ATG10: variants seen among roughly 807,000 people sequenced by gnomAD.
ATG10 encodes autophagy related 10, also known as ubiquitin-like-conjugating enzyme ATG10.
Under a neutral mutation model 32.1 loss-of-function variants are expected in ATG10, and 30 were observed. The ratio of observed to expected loss-of-function variants is 0.94; its 90% CI spans 0.70 to 1.27. The LOEUF is 1.27. Ranked by LOEUF, ATG10 falls within the 50% of genes most tolerant of loss-of-function variation. ATG10 has a pLI of 0.00. For missense variants in ATG10, 233 were observed against 262.3 expected, an observed-to-expected ratio of 0.89 and a Z score of 0.77; for synonymous variants, 87 against 91.5, an observed-to-expected ratio of 0.95 and a Z score of 0.28.
intron 5 of ATG10, among the ~76,000 whole-genome samples, chr5:82,212,312 C>T (rs907424972): frequency 3.9e-5 from 6 of 152,200 alleles, no homozygotes; most frequent in African/African-American, 1.4e-4. Flanking sequence ...CTCCCTTGTG[C>T]TCTGAATCCT....
At position 81,984,032 on chromosome 5, in the gene ATG10, A is replaced by G. The variant is rs956076771; in HGVS notation, c.-12-3527A>G. On this transcript the variant is annotated intron_variant, in intron 1 of 7. Coordinates refer to ENST00000282185, the MANE Select transcript of ATG10 (RefSeq NM_031482.5). Reference sequence around the variant, plus strand: ...TCACTTTCCAGACGGGGTGGCAGCCAGGCAGAGGCTGCAATCTCGGCACTT... The same window carrying G: ...TCACTTTCCAGACGGGGTGGCAGCCGGGCAGAGGCTGCAATCTCGGCACTT... Among the ~76,000 whole-genome samples, 174 of 152,262 alleles carry G rather than the reference A, an allele frequency of 1.1e-3. 2 individuals carry two copies. The highest frequency in any genetic ancestry group is 2.3e-3 in the Admixed American group (35 of 15,298).
intron 5 of ATG10, among the ~76,000 whole-genome samples, chr5:82,223,564 G>C (rs1446498554): frequency 6.6e-6 from 1 of 152,028 alleles, no homozygotes; most frequent in South Asian, 2.1e-4. Flanking sequence ...ATTTAGTGGT[G>C]GTGTATATAA....
intron 2 of ATG10, among the ~76,000 whole-genome samples, chr5:82,047,028 C>A (rs1292687871): frequency 6.7e-6 from 1 of 149,060 alleles, no homozygotes; most frequent in Non-Finnish European, 1.5e-5. Context: ...AAAAGCAAAA[C>A]TAAGCCTTTA....
At chr5:82,240,545 T>G (rs1038235152) in intron 5 of ATG10, among the ~76,000 whole-genome samples, 2 of 152,194 alleles carry the variant, frequency 1.3e-5, no homozygotes, top group Non-Finnish European at 2.9e-5. Context: ...AAAGAGGGGC[T>G]GGTTAATGGG....
intron 2 of ATG10, chr5:82,010,176 T>G: frequency 8.6e-7 from 1 of 1,167,340 alleles, no homozygotes; most frequent in Non-Finnish European, 1.2e-6. Flanking sequence ...TCTTGGAGAA[T>G]GTTTCCAAGT....
intron 2 of ATG10, among the ~76,000 whole-genome samples, chr5:82,014,605 A>G (rs1762226782): frequency 6.6e-6 from 1 of 151,772 alleles, no homozygotes; most frequent in East Asian, 1.9e-4. Context: ...GTCTCTTTTG[A>G]TCTTTGTTGG....
In ATG10 at chr5:82,104,268, C is replaced by T. The variant is rs573963365; in HGVS notation, c.216+45666C>T. On this transcript the variant is annotated intron_variant, in intron 3 of 7. Transcript: ENST00000282185. ...CTACCTTTAATAGATTCTGCCCAAC[C>T]GTTTTCTAAGGTAATTGTAATAATT... is the stretch of plus-strand genomic sequence containing the variant. 1.6e-4 allele frequency among the ~76,000 whole-genome samples: 24 copies of T among 152,026 alleles called. 1 individual carries two copies. The South Asian group carries it at 3.1e-3, about 20-fold the overall frequency.
At chr5:82,201,947 A>G (rs1273663939) in intron 5 of ATG10, among the ~76,000 whole-genome samples, 2 of 152,216 alleles carry the variant, frequency 1.3e-5, no homozygotes, top group Non-Finnish European at 2.9e-5. Context: ...TTGCTCGTAT[A>G]TAGAAATACA....
chr5:82,130,608 G>A (rs1321698538), intron 3 of ATG10, among the ~76,000 whole-genome samples: 2 of 151,506 alleles, frequency 1.3e-5, no homozygotes, highest in South Asian at 2.1e-4. Context: ...TGAGTTCCCC[G>A]ACCCCTTGTG....
chr5:82,186,146 A>G (rs978122434), intron 5 of ATG10, among the ~76,000 whole-genome samples: 1 of 152,206 alleles, frequency 6.6e-6, no homozygotes, highest in Non-Finnish European at 1.5e-5. Flanking sequence ...AATCACTGCC[A>G]GCTTCCTTTG....
chr5:82,112,012 A>G (rs1029252686), intron 3 of ATG10, among the ~76,000 whole-genome samples: 11 of 152,028 alleles, frequency 7.2e-5, no homozygotes, highest in African/African-American at 2.7e-4. Flanking sequence ...ACTCCTACTC[A>G]TTTAATATAC....
intron 3 of ATG10, among the ~76,000 whole-genome samples, chr5:82,089,988 T>C (rs1764826131): frequency 6.6e-6 from 1 of 151,602 alleles, no homozygotes; most frequent in Non-Finnish European, 1.5e-5. Context: ...AAAAGATGTT[T>C]AACATTATTA....
intron 2 of ATG10, among the ~76,000 whole-genome samples, chr5:82,021,266 G>C (rs1762423552): frequency 6.6e-6 from 1 of 152,192 alleles, no homozygotes. Flanking sequence ...GTTGCATCTG[G>C]ATAGGCTGAC....
chr5:82,230,488 C>T (rs1407580581), intron 5 of ATG10, among the ~76,000 whole-genome samples: 4 of 151,980 alleles, frequency 2.6e-5, no homozygotes, highest in Non-Finnish European at 5.9e-5. Context: ...AATCCCAGCA[C>T]TTTGGGATGC....
At chr5:82,176,675 C>T (rs1744042806) in intron 4 of ATG10, among the ~76,000 whole-genome samples, 1 of 152,134 alleles carries the variant, frequency 6.6e-6, no homozygotes, top group Non-Finnish European at 1.5e-5. Context: ...TTTGGCCCTA[C>T]TCTGTAAATG....
chr5:82,152,992 G>A (rs537569048), intron 3 of ATG10, among the ~76,000 whole-genome samples: 2 of 152,228 alleles, frequency 1.3e-5, no homozygotes, highest in African/African-American at 4.8e-5. Flanking sequence ...CTTGGAATAC[G>A]TAAGTGAATA....
chr5:82,157,363 C>T (rs1767843756), intron 3 of ATG10, among the ~76,000 whole-genome samples: 1 of 152,106 alleles, frequency 6.6e-6, no homozygotes, highest in Admixed American at 6.6e-5. Context: ...GCCTTGGATG[C>T]TGTTAGACAT....
At chr5:82,060,621 T>C (rs1310270659) in intron 3 of ATG10, among the ~76,000 whole-genome samples, 2 of 152,160 alleles carry the variant, frequency 1.3e-5, no homozygotes, top group Non-Finnish European at 2.9e-5. Context: ...ACCAGTACTT[T>C]GAAAGGCCGA....
At chr5:82,023,665 G>A (rs1227217687) in intron 2 of ATG10, among the ~76,000 whole-genome samples, 1 of 152,130 alleles carries the variant, frequency 6.6e-6, no homozygotes, top group African/African-American at 2.4e-5. Flanking sequence ...TTCACTGTTT[G>A]TTTTTCTTCA....
Sources: gnomAD v4.1 joint callset for allele counts (sites outside exome capture counted in the v4.1 genomes callset) on GRCh38, gnomAD v4.1.1 for gene constraint, MANE v1.5 for transcripts, NCBI Gene and HGNC (gene_info 2026-07-23, HGNC 2026-07-21) for gene names.